The following RAB11B variants were observed in gnomAD, a reference collection of about 807,000 sequenced individuals.
RAB11B encodes the protein ras-related protein Rab-11B.
RAB11B carries 7 observed loss-of-function variants against 23.7 expected under a neutral mutation model. That is an observed-to-expected ratio of 0.29 (90% CI 0.17 to 0.55). RAB11B has a LOEUF of 0.55. Ranked by LOEUF, RAB11B falls within the 20% of genes least tolerant of loss-of-function variation. RAB11B has a pLI of 0.93. For synonymous variants in RAB11B, 138 were observed against 132.0 expected, an observed-to-expected ratio of 1.05 and a Z score of -0.31; for missense variants, 189 against 320.0, an observed-to-expected ratio of 0.59 and a Z score of 3.12.
At chr19:8,393,901 T>A (rs1228625196) in intron 1 of RAB11B, among the ~76,000 whole-genome samples, 1 of 152,204 alleles carries the variant, frequency 6.6e-6, no homozygotes, top group Non-Finnish European at 1.5e-5. Context: ...TTCTTTGTTT[T>A]TGCCAACCGG....
At chr19:8,391,609 A>G (rs1241512691) in intron 1 of RAB11B, among the ~76,000 whole-genome samples, 3 of 152,154 alleles carry the variant, frequency 2.0e-5, no homozygotes, top group South Asian at 2.1e-4. Context: ...CTGGCTGACA[A>G]TGGCAGCCCT....
At chr19:8,400,314 C>T (rs1163527129) in intron 2 of RAB11B, 6 of 534,222 alleles carry the variant, frequency 1.1e-5, no homozygotes, top group Admixed American at 6.3e-5. Flanking sequence ...TCCGCCTTGC[C>T]GCTGCCCCTG....
intron 1 of RAB11B, among the ~76,000 whole-genome samples, chr19:8,397,338 TG>T (rs1254839171): frequency 6.6e-6 from 1 of 152,030 alleles, no homozygotes; most frequent in Non-Finnish European, 1.5e-5. Flanking sequence ...ACCTGGGGAC[TG>T]GGTGTGGACA....
intron 1 of RAB11B, among the ~76,000 whole-genome samples, chr19:8,399,331 G>C (rs938706465): frequency 2.0e-5 from 3 of 152,096 alleles, no homozygotes; most frequent in African/African-American, 7.2e-5. Context: ...CAAGTGATCC[G>C]CCTGGCTCAT....
At chr19:8,391,917 T>C (rs180751150) in intron 1 of RAB11B, among the ~76,000 whole-genome samples, 1 of 152,170 alleles carries the variant, frequency 6.6e-6, no homozygotes, top group Non-Finnish European at 1.5e-5. Flanking sequence ...CTGAGGGCTC[T>C]GGCAGCTGCA....
At chr19:8,393,883 G>T (rs1356565830) in intron 1 of RAB11B, among the ~76,000 whole-genome samples, 1 of 152,248 alleles carries the variant, frequency 6.6e-6, no homozygotes, top group Non-Finnish European at 1.5e-5. Context: ...ACTTCTCAGA[G>T]GTGCCAGTTC....
chr19:8,402,369 C>A lies in RAB11B; in HGVS notation c.430+90C>A. The A allele has an allele frequency of 7.8e-6, 12 of 1,534,552 alleles. No homozygotes were observed. The South Asian group carries it at 1.3e-4, about 17-fold the overall frequency. On this transcript the variant is annotated intron_variant, in intron 3 of 4. Transcript: ENST00000328024. ...GGGGCCCTGGCCACAGCCCTGGCTT[C>A]CCTTCCCTGAGGAGTGGCCTTGGGA...
intron 1 of RAB11B, among the ~76,000 whole-genome samples, chr19:8,398,266 G>A (rs985937243): frequency 6.6e-6 from 1 of 152,214 alleles, no homozygotes; most frequent in Non-Finnish European, 1.5e-5. Context: ...CGTGTCGACT[G>A]GGCTCAGGCC....
chr19:8,399,726 T>G (rs1026719249), intron 1 of RAB11B, 137 bp from the exon 2 acceptor site: 2 of 955,418 alleles, frequency 2.1e-6, no homozygotes, highest in African/African-American at 1.6e-5. Flanking sequence ...CTGCAGGCCC[T>G]GGGCTCCAGG....
At position 8,403,916 on chromosome 19, in the gene RAB11B, C is replaced by T. The variant is rs6603066; in HGVS notation, c.*358C>T. The T allele has an allele frequency of 0.95, 187,873 of 196,894 alleles. 89,938 individuals are homozygous for T. The highest frequency in any genetic ancestry group is 1 in the East Asian group (7,418 of 7,420). The allele number at this position is 196,894 out of a possible 1,614,324, so 12.2% of individuals were successfully genotyped here. ...TAGGGAGCGATTGCCTCCCTCCCTC[C>T]GTGACCGGGTGGCCCAGCCAGCCCG... is the stretch of plus-strand genomic sequence containing the variant. On this transcript the variant is annotated 3_prime_UTR_variant, in exon 5 of 5. Transcript: ENST00000328024.
Position 8,397,763 on chromosome 19 carries a change from C to T in RAB11B, c.41-2100C>T, listed in dbSNP as rs546957095. 6.6e-5 allele frequency among the ~76,000 whole-genome samples: 10 copies of T among 152,120 alleles called. No individual in the cohort carries two copies. The South Asian group carries it at 1.7e-3, about 25-fold the overall frequency. ...TGCTCCCTCAATGTAGCAGGGGTCC[C>T]GAGTGGGGCCAGCGGACCTCTGGGT... On this transcript the variant is annotated intron_variant, in intron 1 of 4. Transcript: ENST00000328024.
At chr19:8,398,619 C>T (rs778021620) in intron 1 of RAB11B, among the ~76,000 whole-genome samples, 11 of 152,254 alleles carry the variant, frequency 7.2e-5, no homozygotes, top group South Asian at 4.1e-4. Flanking sequence ...CCATCTGTGC[C>T]GAAGCTGGAT....
Position 8,402,174 on chromosome 19 carries a change from C to A in RAB11B, c.325C>A (p.Leu109Met). 1 of 1,603,518 alleles carries A rather than the reference C, an allele frequency of 6.2e-7. No individual in the cohort carries two copies. The highest frequency in any genetic ancestry group is 8.5e-7 in the Non-Finnish European group (1 of 1,175,134). Residue 109 changes from leucine (L) to methionine (M), a missense_variant, in exon 3 of 5, where the codon CTG becomes ATG. Leu to Met is a conservative substitution (Grantham distance 15). Around this residue, in one of 5 missense-constraint regions of RAB11B, gnomAD observed 122 missense variants for 170.8 expected, o/e 0.71. Transcript: ENST00000328024. Reference sequence around the variant, plus strand: ...GAACGTGGAGCGCTGGCTGAAGGAGCTGCGGGACCACGCAGACAGCAACAT... The same window carrying A: ...GAACGTGGAGCGCTGGCTGAAGGAGATGCGGGACCACGCAGACAGCAACAT... ...YENVERWLKE[L>M]RDHADSNIVI...
intron 1 of RAB11B, among the ~76,000 whole-genome samples, chr19:8,393,827 C>T (rs981444176): frequency 4.6e-5 from 7 of 152,178 alleles, no homozygotes; most frequent in Non-Finnish European, 7.4e-5. Flanking sequence ...AGGGTCTGGG[C>T]CCCCAGGGCC....
chr19:8,402,655 T>TTGTTTTTTTCTTTC, intron 4 of RAB11B, 90 bp downstream of exon 4: 1 of 999,268 alleles, frequency 1.0e-6, no homozygotes, highest in Non-Finnish European at 1.4e-6. Context: ...GTTCGTTTGC[T>TTGTTTTTTTCTTTC]TGTTTTTTTC....
intron 1 of RAB11B, among the ~76,000 whole-genome samples, chr19:8,391,325 G>A (rs1185170683): frequency 2.0e-5 from 3 of 152,196 alleles, no homozygotes; most frequent in African/African-American, 7.2e-5. Context: ...TGTCTTAGGG[G>A]GCTTGTGGCC....
At position 8,390,365 on chromosome 19, in the gene RAB11B, G is replaced by T. The variant is rs1460286047; in HGVS notation, c.-52G>T. 1.1e-4 allele frequency: 169 copies of T among 1,501,116 alleles called. No homozygotes were observed. The highest frequency in any genetic ancestry group is 1.5e-4 in the Non-Finnish European group (166 of 1,127,038). The allele number at this position is 1,501,116 out of a possible 1,614,324, so 93.0% of individuals were successfully genotyped here. A position where few individuals can be genotyped will look rare whatever the true frequency, so the allele number is the denominator to read the frequency against. ...GCGGCGCCGGCTCCGCCCCCGTCGG[G>T]TGTTTGTGGTGGGGCTGCGGAGTCG... On this transcript the variant is annotated 5_prime_UTR_variant, in exon 1 of 5. Coordinates refer to ENST00000328024, the MANE Select transcript of RAB11B (RefSeq NM_004218.4).
intron 1 of RAB11B, among the ~76,000 whole-genome samples, chr19:8,392,132 C>T (rs1396829007): frequency 1.3e-5 from 2 of 152,092 alleles, no homozygotes; most frequent in Non-Finnish European, 2.9e-5. Flanking sequence ...GCAGCTGCTC[C>T]CAGGTCCTGG....
At chr19:8,393,992 G>T (rs1971378179) in intron 1 of RAB11B, among the ~76,000 whole-genome samples, 4 of 152,230 alleles carry the variant, frequency 2.6e-5, no homozygotes, top group Admixed American at 2.6e-4. Context: ...AACTTCTGTG[G>T]AAATGCTCGG....
Sources: gnomAD v4.1 joint callset for allele counts (sites outside exome capture counted in the v4.1 genomes callset) on GRCh38, gnomAD v4.1.1 for gene constraint, gnomAD v4.1.1 regional missense constraint, MANE v1.5 for transcripts, NCBI Gene and HGNC (gene_info 2026-07-23, HGNC 2026-07-21) for gene names.